ADCY2: variants seen among roughly 807,000 people sequenced by gnomAD.
ADCY2 encodes the protein adenylate cyclase 2.
Under a neutral mutation model 125.2 loss-of-function variants are expected in ADCY2, and 31 were observed. That is an observed-to-expected ratio of 0.25 (90% CI 0.19 to 0.33). ADCY2 has a LOEUF of 0.33. Ranked by LOEUF, ADCY2 falls within the 10% of genes least tolerant of loss-of-function variation. The pLI is 1.00. For missense variants in ADCY2, 904 were observed against 1,418.2 expected, an observed-to-expected ratio of 0.64 and a Z score of 5.82; for synonymous variants, 512 against 548.4, an observed-to-expected ratio of 0.93 and a Z score of 0.93.
rs530574561 is a variant in ADCY2, at chr5:7,813,749, G to A, written c.2884-3117G>A. On this transcript the variant is annotated intron_variant, in intron 22 of 24. Transcript: ENST00000338316. The stretch of plus-strand genomic sequence containing the variant: ...CTCAATCTCTTCTTTTATTACTGAC[G>A]TCACTTAAAACCTCCAGTTTAAACC... Among the ~76,000 whole-genome samples, 69 of 152,214 alleles carry A rather than the reference G, an allele frequency of 4.5e-4. 1 individual carries two copies. Among genetic ancestry groups the A allele is most frequent in the Middle Eastern group, 6.8e-3 (2 of 294 alleles).
intron 3 of ADCY2, among the ~76,000 whole-genome samples, chr5:7,562,848 A>AT (rs1273814984): frequency 1.3e-5 from 2 of 152,162 alleles, no homozygotes; most frequent in African/African-American, 4.8e-5. Context: ...AAGTCATCAG[A>AT]TTTTATTTTC....
chr5:7,817,684 T>C (rs890296774), intron 23 of ADCY2, among the ~76,000 whole-genome samples: 1 of 152,008 alleles, frequency 6.6e-6, no homozygotes, highest in African/African-American at 2.4e-5. Context: ...TTAGCTGAGC[T>C]TGGCGGCGCA....
chr5:7,535,706 G>A (rs1561079891), intron 3 of ADCY2, among the ~76,000 whole-genome samples: 1 of 152,176 alleles, frequency 6.6e-6, no homozygotes, highest in Admixed American at 6.5e-5. Context: ...AAGGATTGGA[G>A]GGAGGATACG....
chr5:7,672,027 C>G (rs1226493281), intron 4 of ADCY2, among the ~76,000 whole-genome samples: 1 of 152,072 alleles, frequency 6.6e-6, no homozygotes, highest in African/African-American at 2.4e-5. Flanking sequence ...GCTGCTATCT[C>G]AGTAGCAAGC....
intron 3 of ADCY2, among the ~76,000 whole-genome samples, chr5:7,620,991 T>C (rs1737936477): frequency 6.6e-6 from 1 of 152,176 alleles, no homozygotes; most frequent in South Asian, 2.1e-4. Context: ...TGGTGTCTGC[T>C]TGGGCCATTT....
intron 21 of ADCY2, among the ~76,000 whole-genome samples, chr5:7,804,229 C>T (rs149159751): frequency 1.3e-3 from 196 of 152,272 alleles, no homozygotes; most frequent in African/African-American, 3.7e-3. Context: ...AAAGAGCTCA[C>T]TCATTGAATC....
intron 3 of ADCY2, among the ~76,000 whole-genome samples, chr5:7,623,555 C>T (rs1214028374): frequency 2.6e-5 from 4 of 152,192 alleles, no homozygotes; most frequent in African/African-American, 7.2e-5. Flanking sequence ...CCCCTCTAAT[C>T]GGAAGCCAGG....
chr5:7,681,679 C>G (rs1740343579), intron 4 of ADCY2, among the ~76,000 whole-genome samples: 1 of 152,110 alleles, frequency 6.6e-6, no homozygotes, highest in South Asian at 2.1e-4. Flanking sequence ...TTGGGCTTGG[C>G]TTGGTGGGGA....
intron 2 of ADCY2, among the ~76,000 whole-genome samples, chr5:7,513,529 G>A (rs992539045): frequency 6.6e-6 from 1 of 152,172 alleles, no homozygotes; most frequent in Non-Finnish European, 1.5e-5. Context: ...AAAGTCATCA[G>A]TATTCTCAAA....
At chr5:7,651,717 A>G (rs541484676) in intron 4 of ADCY2, among the ~76,000 whole-genome samples, 2 of 152,296 alleles carry the variant, frequency 1.3e-5, no homozygotes, top group South Asian at 2.1e-4. Flanking sequence ...GCATCCTTCA[A>G]TCCAATCAAG....
At chr5:7,501,646 T>TCCCCGC (rs1743585250) in intron 2 of ADCY2, among the ~76,000 whole-genome samples, 1 of 40,526 alleles carries the variant, frequency 2.5e-5, no homozygotes, top group African/African-American at 9.9e-5. Flanking sequence ...GATTCCCCCC[T>TCCCCGC]CCCCCCCCCC....
intron 3 of ADCY2, among the ~76,000 whole-genome samples, chr5:7,606,043 G>A (rs539956421): frequency 1.0e-3 from 152 of 148,052 alleles, no homozygotes; most frequent in African/African-American, 3.7e-3. Context: ...TTTTGTCAAA[G>A]GCTTTTTCTG....
intron 3 of ADCY2, among the ~76,000 whole-genome samples, chr5:7,545,010 G>A (rs1211519985): frequency 3.3e-5 from 5 of 152,200 alleles, no homozygotes; most frequent in Admixed American, 1.3e-4. Flanking sequence ...GGCTAGCAAG[G>A]AAGAGGTCTG....
intron 4 of ADCY2, among the ~76,000 whole-genome samples, chr5:7,639,627 A>G (rs960591550): frequency 3.3e-5 from 5 of 152,192 alleles, no homozygotes; most frequent in Admixed American, 3.3e-4. Context: ...TCTAAATTGT[A>G]TGCAGGTTAA....
intron 3 of ADCY2, among the ~76,000 whole-genome samples, chr5:7,580,120 C>G (rs576312801): frequency 6.6e-6 from 1 of 152,050 alleles, no homozygotes; most frequent in Non-Finnish European, 1.5e-5. Context: ...GAGGAGGACA[C>G]CTGTTTAAAA....
In ADCY2 at chr5:7,802,025, C is replaced by A. The variant is rs1339888258; in HGVS notation, c.2629-193C>A. On this transcript the variant is annotated intron_variant, in intron 20 of 24. Coordinates refer to ENST00000338316, the MANE Select transcript of ADCY2 (RefSeq NM_020546.3). This position sits in a 1 kb window ranked among gnomAD's most constrained non-coding sequence, Gnocchi z 4.6. ...CTTCTTAACTGGTAGTGGCCTGAAT[C>A]CAGCTCATTAGAAGCTTTCCCCTGA... is the stretch of plus-strand genomic sequence containing the variant. The A allele has an allele frequency of 5.2e-6, 3 of 575,114 alleles. No homozygotes were observed. The highest frequency in any genetic ancestry group is 9.0e-6 in the Non-Finnish European group (3 of 332,320). The allele number at this position is 575,114 out of a possible 1,614,324, so 35.6% of individuals were successfully genotyped here.
At chr5:7,723,369 T>C (rs1741825639) in intron 12 of ADCY2, among the ~76,000 whole-genome samples, 1 of 152,218 alleles carries the variant, frequency 6.6e-6, no homozygotes, top group Non-Finnish European at 1.5e-5. Context: ...TCTGCCCCAG[T>C]TGAAAGTGCC....
intron 4 of ADCY2, among the ~76,000 whole-genome samples, chr5:7,659,575 A>C (rs911843193): frequency 6.6e-6 from 1 of 152,230 alleles, no homozygotes; most frequent in Non-Finnish European, 1.5e-5. Flanking sequence ...TTATACTTGC[A>C]GTTAGTCCTC....
intron 4 of ADCY2, among the ~76,000 whole-genome samples, chr5:7,643,323 C>T (rs969356288): frequency 3.3e-5 from 5 of 152,002 alleles, no homozygotes; most frequent in African/African-American, 4.8e-5. Context: ...ACTGTTGGGA[C>T]GTACATTTAT....
Sources: allele counts gnomAD v4.1 joint callset (sites outside exome capture counted in the v4.1 genomes callset), GRCh38; gene constraint gnomAD v4.1.1; non-coding constraint Gnocchi (gnomAD v3.1); transcripts MANE v1.5; gene names NCBI Gene and HGNC (gene_info 2026-07-23, HGNC 2026-07-21).